Variants in KCTD1 observed in about 807,000 individuals in gnomAD.
The protein encoded by KCTD1 is BTB/POZ domain-containing protein KCTD1.
Under a neutral mutation model 66.0 loss-of-function variants are expected in KCTD1, and 24 were observed. The observed-to-expected ratio is 0.36, with a 90% CI of 0.26 to 0.51. KCTD1 has a LOEUF of 0.51. Among genes scored for constraint, KCTD1 ranks in the 20% least tolerant of loss-of-function variants. The pLI is 0.95. For missense variants in KCTD1, 943 were observed against 1,205.2 expected, an observed-to-expected ratio of 0.78 and a Z score of 3.22; for synonymous variants, 511 against 517.2, an observed-to-expected ratio of 0.99 and a Z score of 0.16.
chr18:26,653,449 G>A (rs1988073092), intron 1 of KCTD1, among the ~76,000 whole-genome samples: 1 of 152,180 alleles, frequency 6.6e-6, no homozygotes, highest in Non-Finnish European at 1.5e-5. Flanking sequence ...CCCTCTTTAA[G>A]TTAATGCTAC....
intron 1 of KCTD1, among the ~76,000 whole-genome samples, chr18:26,611,328 T>G (rs976925146): frequency 1.4e-5 from 2 of 139,648 alleles, no homozygotes; most frequent in Non-Finnish European, 3.1e-5. Context: ...TTATAGTAAC[T>G]GGGTTTTGTT....
chr18:26,521,582 T>C (rs1983912996), intron 1 of KCTD1, among the ~76,000 whole-genome samples: 1 of 152,188 alleles, frequency 6.6e-6, no homozygotes, highest in African/African-American at 2.4e-5. Flanking sequence ...TCCTTAAAGA[T>C]CTATCAAGAT....
Position 26,600,792 on chromosome 18 carries a change from T to A in KCTD1, c.-16+28355A>T, listed in dbSNP as rs1175839591. ...TCCATTCTTTGTGACACGAGTCAAG[T>A]GTCTCACAACCTCCTCAGGGCACCA... is the stretch of plus-strand genomic sequence containing the variant. On this transcript the variant is annotated intron_variant, in intron 1 of 4. Transcript: ENST00000317932. Among the ~76,000 whole-genome samples, 3 of 152,056 alleles carry A rather than the reference T, an allele frequency of 2.0e-5. No homozygotes were observed. The East Asian group carries it at 5.8e-4, about 30-fold the overall frequency.
intron 2 of KCTD1, among the ~76,000 whole-genome samples, chr18:26,486,911 A>G (rs1019048906): frequency 2.0e-5 from 3 of 152,216 alleles, no homozygotes; most frequent in Non-Finnish European, 4.4e-5. Context: ...CTTTTTACCT[A>G]TAAGTGAAAA....
intron 1 of KCTD1, among the ~76,000 whole-genome samples, chr18:26,616,966 T>C (rs573845): frequency 0.88 from 133,938 of 152,268 alleles, 58,995 homozygotes; most frequent in East Asian, 0.95. Context: ...TCAATTGTTT[T>C]GTATTTCAGT....
chr18:26,539,916 T>C (rs759866041), intron 1 of KCTD1, among the ~76,000 whole-genome samples: 7 of 152,216 alleles, frequency 4.6e-5, no homozygotes, highest in Non-Finnish European at 8.8e-5. Context: ...ATGAAGATAT[T>C]ATCTATGAAC....
intron 3 of KCTD1, among the ~76,000 whole-genome samples, chr18:26,465,755 C>T (rs987033155): frequency 6.6e-6 from 1 of 152,160 alleles, no homozygotes; most frequent in Non-Finnish European, 1.5e-5. Flanking sequence ...ACCACAGGAG[C>T]TAGGCCTGAT....
Position 26,526,606 on chromosome 18 carries a change from A to G in KCTD1, c.1809+20122T>C, listed in dbSNP as rs370699478. On this transcript the variant is annotated intron_variant, in intron 1 of 4. Transcript: ENST00000580059. The stretch of plus-strand genomic sequence containing the variant: ...GAAATAGAAATATGGCAAAATCAGA[A>G]AGAGCAAAAGTCAAGCCCAAGGCAC... Among the ~76,000 whole-genome samples, 52 of 152,328 alleles carry G rather than the reference A, an allele frequency of 3.4e-4. 1 individual carries two copies. In the East Asian group the frequency reaches 6.0e-3, roughly 18 times the overall value.
chr18:26,535,111 G>GTC (rs11376459), intron 1 of KCTD1, among the ~76,000 whole-genome samples: 3 of 112,152 alleles, frequency 2.7e-5, no homozygotes, highest in East Asian at 2.9e-4. Context: ...TGGGGTTGGG[G>GTC]GGTGGGGGTG....
At chr18:26,565,208 T>G (rs1258500048) in intron 1 of KCTD1, among the ~76,000 whole-genome samples, 1 of 152,198 alleles carries the variant, frequency 6.6e-6, no homozygotes, top group Non-Finnish European at 1.5e-5. Context: ...CTGTTCCAGA[T>G]CATCTCTATC....
intron 1 of KCTD1, chr18:26,544,437 G>A (rs960465494): frequency 1.3e-5 from 2 of 152,234 alleles, no homozygotes; most frequent in Non-Finnish European, 2.9e-5. Context: ...AAACATCAGT[G>A]TGTGACCTGT....
upstream of KCTD1, among the ~76,000 whole-genome samples, chr18:26,551,979 G>A (rs1403212087): frequency 1.3e-5 from 2 of 152,044 alleles, no homozygotes; most frequent in Non-Finnish European, 2.9e-5. Context: ...CAGGATACAT[G>A]ACTTCTTTAT....
At chr18:26,651,367 T>C (rs1010350481) in intron 1 of KCTD1, among the ~76,000 whole-genome samples, 2 of 152,226 alleles carry the variant, frequency 1.3e-5, no homozygotes, top group Non-Finnish European at 2.9e-5. Context: ...ATCCCTGCTC[T>C]GCCACTAGCC....
intron 1 of KCTD1, among the ~76,000 whole-genome samples, chr18:26,526,045 G>T (rs1387822098): frequency 6.6e-6 from 1 of 152,092 alleles, no homozygotes; most frequent in Non-Finnish European, 1.5e-5. Flanking sequence ...GTAGTTCAGA[G>T]AGAGACATAC....
chr18:26,608,128 C>T (rs1345966287), intron 1 of KCTD1, among the ~76,000 whole-genome samples: 1 of 152,198 alleles, frequency 6.6e-6, no homozygotes, highest in East Asian at 1.9e-4. Flanking sequence ...TTCACCACTA[C>T]TCTTGTAAAT....
intron 1 of KCTD1, among the ~76,000 whole-genome samples, chr18:26,655,251 C>A (rs1350927086): frequency 6.6e-6 from 1 of 152,178 alleles, no homozygotes; most frequent in Non-Finnish European, 1.5e-5. Flanking sequence ...GAGTCTACTG[C>A]TGAGAAGGTA....
At chr18:26,586,558 T>C (rs1257603848) in intron 1 of KCTD1, among the ~76,000 whole-genome samples, 1 of 152,158 alleles carries the variant, frequency 6.6e-6, no homozygotes, top group Non-Finnish European at 1.5e-5. Context: ...TGATGAAGCT[T>C]AGTGAGGAAG....
intron 1 of KCTD1, among the ~76,000 whole-genome samples, chr18:26,517,214 C>T (rs1266765787): frequency 6.6e-6 from 1 of 152,104 alleles, no homozygotes; most frequent in African/African-American, 2.4e-5. Flanking sequence ...CTCTGTGCCC[C>T]CACTCAAATC....
upstream of KCTD1, among the ~76,000 whole-genome samples, chr18:26,550,142 C>CCA (rs148835295): frequency 3.6e-3 from 542 of 152,236 alleles, 3 homozygotes; most frequent in African/African-American, 0.012. The surrounding 1 kb of genome is among the most constrained non-coding windows in gnomAD (Gnocchi z 5.4). Flanking sequence ...CGCCCCGGTG[C>CCA]CAGGCCGTCC....
Sources: gnomAD v4.1 joint callset for allele counts (sites outside exome capture counted in the v4.1 genomes callset) on GRCh38, gnomAD v4.1.1 for gene constraint, Gnocchi (gnomAD v3.1) non-coding constraint, MANE v1.5 for transcripts, NCBI Gene and HGNC (gene_info 2026-07-23, HGNC 2026-07-21) for gene names.